The following KRTAP16-1 variants were observed in gnomAD, a reference collection of about 807,000 sequenced individuals.
The protein encoded by KRTAP16-1 is keratin-associated protein 16-1.
For synonymous variants in KRTAP16-1, 262 were observed against 248.0 expected (o/e 1.06, Z -0.53); for missense variants, 675 against 657.7 (o/e 1.03, Z -0.29).
In KRTAP16-1 at chr17:41,308,099, C is replaced by CAAT. The variant is rs2016929364; in HGVS notation, c.1154_1155insATT (p.Arg385_Pro386insLeu). ...GGTAGGAAATCGTAGCACTGCAAGG[C>CAAT]CGTTTGCTGGAACTGGGTATGTAGA... is the stretch of plus-strand genomic sequence containing the variant. On this transcript the variant is annotated inframe_insertion, in exon 1 of 1. Coordinates refer to ENST00000391352, the MANE Select transcript of KRTAP16-1 (RefSeq NM_001146182.2). 1 of 1,550,424 alleles carries CAAT rather than the reference C, an allele frequency of 6.4e-7. No homozygotes were observed. The highest frequency in any genetic ancestry group is 8.7e-7 in the Non-Finnish European group (1 of 1,146,990).
In KRTAP16-1 at chr17:41,308,512, A is replaced by G; in HGVS notation, c.742T>C (p.Cys248Arg). Residue 248 changes from cysteine (C) to arginine (R), a missense_variant, in exon 1 of 1, where the codon TGC becomes CGC. Coordinates refer to ENST00000391352, the MANE Select transcript of KRTAP16-1 (RefSeq NM_001146182.2). ...GGCTCACAAGGGCTGGGGTCACAGCAGACAGCCTGGCAGCTACTGGTCACA... is the reference window on the plus strand; with the variant it reads ...GGCTCACAAGGGCTGGGGTCACAGCGGACAGCCTGGCAGCTACTGGTCACA... The part of the protein sequence containing the change: ...CSVTSSCQAV[C>R]CDPSPCEPSC... The G allele has an allele frequency of 6.4e-7, 1 of 1,550,558 alleles. No homozygotes were observed. The highest frequency in any genetic ancestry group is 8.7e-7 in the Non-Finnish European group (1 of 1,146,860).
Position 41,308,891 on chromosome 17 carries a change from AGGCTCACAGATGGT to A in KRTAP16-1, c.349_362del (p.Thr117PhefsTer14). The A allele has an allele frequency of 1.3e-6, 2 of 1,548,628 alleles. No individual in the cohort carries two copies. The highest frequency in any genetic ancestry group is 2.4e-5 in the South Asian group (2 of 84,034). ...GGCAGCAGTTGCTCACTGAGCAAGA[AGGCTCACAGATGGT>A]GGCCTCGAAGCACACAGGTTGGTAG... On this transcript the variant is annotated frameshift_variant, in exon 1 of 1. Transcript: ENST00000391352. LOFTEE classifies it low-confidence loss of function (END_TRUNC).
chr17:41,307,961 G>T lies in KRTAP16-1; in HGVS notation c.1293C>A (p.Ser431=), dbSNP rs1365407567. 6.4e-7 allele frequency: 1 copy of T among 1,550,646 alleles called. No individual in the cohort carries two copies. The highest frequency in any genetic ancestry group is 1.2e-5 in the South Asian group (1 of 84,066). Residue 431 remains serine, a synonymous_variant, in exon 1 of 1, where the codon TCC becomes TCA. Transcript: ENST00000391352. Reference sequence around the variant, plus strand: ...TGACACAGGCTGGGCGGCGCAGGATGGAGTAGCATGGGCGATAGCAGGCAG... The same window carrying T: ...TGACACAGGCTGGGCGGCGCAGGATTGAGTAGCATGGGCGATAGCAGGCAG... ...YRPACYRPCY[S]ILRRPACVTS...
In KRTAP16-1 at chr17:41,307,851, G is replaced by C. The variant is rs533107247; in HGVS notation, c.1403C>G (p.Ser468Cys). ...SCKRDCKKSTSSQLDCVDTTP... is the reference protein window; with the variant it reads ...SCKRDCKKSTCSQLDCVDTTP... ...TGTGTCAACACAATCCAGTTGGCTG[G>C]AAGTGGATTTTTTGCAATCCCGTTT... The change falls in exon 1 of 1, where the codon TCC becomes TGC. Residue 468 changes from serine (S) to cysteine (C), a missense_variant. Transcript: ENST00000391352. 2.8e-5 allele frequency: 43 copies of C among 1,550,816 alleles called. 1 individual carries two copies. In the Admixed American group the frequency reaches 6.7e-4, roughly 24 times the overall value.
chr17:41,307,706 GT>G lies in KRTAP16-1; in HGVS notation c.1547del (p.Asn516ThrfsTer?). ...AAQPAASKPA[N>X]C ...TTGGGGGGCTGAAGCCAATTTAGCA[GT>G]TGGCAGGCTTGCTGGCAGCAGGCTG... On this transcript the variant is annotated frameshift_variant, in exon 1 of 1. Coordinates refer to ENST00000391352, the MANE Select transcript of KRTAP16-1 (RefSeq NM_001146182.2). LOFTEE classifies it high-confidence loss of function. 2.0e-6 allele frequency: 3 copies of G among 1,518,944 alleles called. No individual in the cohort carries two copies. The highest frequency in any genetic ancestry group is 2.7e-6 in the Non-Finnish European group (3 of 1,131,738). The allele number at this position is 1,518,944 out of a possible 1,614,324, so 94.1% of individuals were successfully genotyped here.
In KRTAP16-1 at chr17:41,308,659, A is replaced by C. The variant is rs931537396; in HGVS notation, c.595T>G (p.Cys199Gly). The C allele has an allele frequency of 3.2e-6, 5 of 1,550,768 alleles. No individual in the cohort carries two copies. The highest frequency in any genetic ancestry group is 2.4e-5 in the East Asian group (1 of 40,938). The change falls in exon 1 of 1, where the codon TGC becomes GGC. Residue 199 changes from cysteine (C) to glycine (G), a missense_variant. Cys to Gly is a radical substitution (Grantham distance 159). Transcript: ENST00000391352. ...CQPVLCKSSC[C>G]QPVVCEPSCC... is the part of the protein sequence containing the mutation. ...CTGGGCTCACAGACAACTGGCTGGC[A>C]GCAGCTGGATTTGCAGAGGACAGGC...
chr17:41,308,628 C>T lies in KRTAP16-1; in HGVS notation c.626G>A (p.Cys209Tyr), dbSNP rs1239735351. 2.6e-6 allele frequency: 4 copies of T among 1,550,796 alleles called. No individual in the cohort carries two copies. The highest frequency in any genetic ancestry group is 3.5e-6 in the Non-Finnish European group (4 of 1,147,102). ...CQPVVCEPSCCSAVCTLPSSC... is the reference protein window; with the variant it reads ...CQPVVCEPSCYSAVCTLPSSC... ...ACTAGGCAGGGTGCAGACAGCTGAACAGCAGCTGGGCTCACAGACAACTGG... is the reference window on the plus strand; with the variant it reads ...ACTAGGCAGGGTGCAGACAGCTGAATAGCAGCTGGGCTCACAGACAACTGG... The change falls in exon 1 of 1, where the codon TGT becomes TAT. Residue 209 changes from cysteine (C) to tyrosine (Y), a missense_variant. Transcript: ENST00000391352.
chr17:41,308,412 G>A lies in KRTAP16-1; in HGVS notation c.842C>T (p.Pro281Leu). 6.4e-7 allele frequency: 1 copy of A among 1,550,672 alleles called. No homozygotes were observed. The highest frequency in any genetic ancestry group is 8.7e-7 in the Non-Finnish European group (1 of 1,146,986). ...ALVCEPVCLRPVCCVQSSCEP... is the reference protein window; with the variant it reads ...ALVCEPVCLRLVCCVQSSCEP... ...GCACGAGCTCTGAACACAGCAGACA[G>A]GGCGGAGGCAAACTGGCTCACAGAC... Residue 281 changes from proline to leucine, a missense_variant, in exon 1 of 1, where the codon CCT (proline) becomes CTT (leucine). By Grantham distance (98) the Pro-to-Leu change is moderately conservative (BLOSUM62 -3). Coordinates refer to ENST00000391352, the MANE Select transcript of KRTAP16-1 (RefSeq NM_001146182.2).
In KRTAP16-1 at chr17:41,308,463, C is replaced by T; in HGVS notation, c.791G>A (p.Cys264Tyr). 6.5e-7 allele frequency: 1 copy of T among 1,550,318 alleles called. No homozygotes were observed. Among genetic ancestry groups the T allele is most frequent in the Non-Finnish European group, 8.7e-7 (1 of 1,146,714 alleles). Reference protein sequence around the residue: ...CEPSCSESSICQPATCVALVC... With the variant: ...CEPSCSESSIYQPATCVALVC... Reference sequence around the variant, plus strand: ...CAGAGCCACACACGTAGCTGGCTGGCAGATGCTAGACTCTGAGCAACTTGG... The same window carrying T: ...CAGAGCCACACACGTAGCTGGCTGGTAGATGCTAGACTCTGAGCAACTTGG... The change falls in exon 1 of 1, where the codon TGC (cysteine) becomes TAC (tyrosine). Residue 264 changes from cysteine (C) to tyrosine (Y), a missense_variant. Transcript: ENST00000391352.
Position 41,307,990 on chromosome 17 carries a change from G to C in KRTAP16-1, c.1264C>G (p.Arg422Gly), listed in dbSNP as rs1361998456. The stretch of plus-strand genomic sequence containing the variant: ...TAGCATGGGCGATAGCAGGCAGGAC[G>C]GTAGGAGATGGATGTCATGTATGGC... ...RQPYMTSISY[R>G]PACYRPCYSI... The change falls in exon 1 of 1, where the codon CGT (arginine) becomes GGT (glycine). Residue 422 changes from arginine (R) to glycine (G), a missense_variant. Transcript: ENST00000391352. The C allele has an allele frequency of 3.2e-6, 5 of 1,550,514 alleles. No homozygotes were observed. In the Admixed American group the frequency reaches 7.8e-5, roughly 24 times the overall value.
rs2016941209 is a variant in KRTAP16-1 at position 41,308,662 on chromosome 17, AG to A, written c.591del (p.Cys198AlafsTer43). On this transcript the variant is annotated frameshift_variant, in exon 1 of 1. Transcript: ENST00000391352. LOFTEE classifies it low-confidence loss of function (END_TRUNC). ...GGCTCACAGACAACTGGCTGGCAGC[AG>A]CTGGATTTGCAGAGGACAGGCTGGC... ...TSCQPVLCKS[S>X]CCQPVVCEPS... The A allele has an allele frequency of 1.3e-6, 2 of 1,550,762 alleles. No individual in the cohort carries two copies. Among genetic ancestry groups the A allele is most frequent in the Non-Finnish European group, 1.7e-6 (2 of 1,147,070 alleles).
In KRTAP16-1 at chr17:41,309,218, G is replaced by T. The variant is rs576379053; in HGVS notation, c.36C>A (p.Ser12=). Residue 12 remains serine, a synonymous_variant, in exon 1 of 1, where the codon TCC becomes TCA. Coordinates refer to ENST00000391352, the MANE Select transcript of KRTAP16-1 (RefSeq NM_001146182.2). ...TGGAGCAGAGAGAGGTGGCTGGCAC[G>T]GAGAAGCATTTCCTAGAAGAGCAAC... The part of the protein sequence containing the change: ...SGSCSSRKCF[S]VPATSLCSTE... 1 of 1,541,976 alleles carries T rather than the reference G, an allele frequency of 6.5e-7. No individual in the cohort carries two copies. Among genetic ancestry groups the T allele is most frequent in the East Asian group, 2.5e-5 (1 of 40,712 alleles).
chr17:41,308,840 A>G lies in KRTAP16-1; in HGVS notation c.414T>C (p.Val138=). The G allele has an allele frequency of 6.5e-7, 1 of 1,544,348 alleles. No individual in the cohort carries two copies. The highest frequency in any genetic ancestry group is 8.7e-7 in the Non-Finnish European group (1 of 1,143,070). Residue 138 remains valine (V), a synonymous_variant, in exon 1 of 1, where the codon GTT becomes GTC. Transcript: ENST00000391352. Reference sequence around the variant, plus strand: ...TGCTCACGGAACAAGAAGGCTCACAAACGGTGGCCTCAAAGCACACAGGTT... The same window carrying G: ...TGCTCACGGAACAAGAAGGCTCACAGACGGTGGCCTCAAAGCACACAGGTT... ...CCQPVCFEAT[V]CEPSCSVSSC...
chr17:41,308,776 C>T lies in KRTAP16-1; in HGVS notation c.478G>A (p.Glu160Lys), dbSNP rs2144206636. ...CAGCTGCTCACGGAGCAAGAAGGCT[C>T]ACAAATAGCAGGCTCACAGCACACA... ...QPVCCEPAICEPSCSVSSCCQ... is the reference protein window; with the variant it reads ...QPVCCEPAICKPSCSVSSCCQ... The change falls in exon 1 of 1, where the codon GAG becomes AAG. Residue 160 changes from glutamate to lysine, a missense_variant. Coordinates refer to ENST00000391352, the MANE Select transcript of KRTAP16-1 (RefSeq NM_001146182.2). 6.4e-7 allele frequency: 1 copy of T among 1,550,600 alleles called. No individual in the cohort carries two copies. Among genetic ancestry groups the T allele is most frequent in the South Asian group, 1.2e-5 (1 of 84,058 alleles).
Position 41,309,198 on chromosome 17 carries a change from CAG to C in KRTAP16-1, c.54_55del (p.Cys19LeufsTer3). ...GCCTCCACAGCTCACCTCAGTGGAG[CAG>C]AGAGAGGTGGCTGGCACGGAGAAGC... On this transcript the variant is annotated frameshift_variant, in exon 1 of 1. Transcript: ENST00000391352. LOFTEE classifies it low-confidence loss of function (END_TRUNC). 6.5e-7 allele frequency: 1 copy of C among 1,547,508 alleles called. No homozygotes were observed. The highest frequency in any genetic ancestry group is 8.7e-7 in the Non-Finnish European group (1 of 1,145,150).
chr17:41,308,188 G>C lies in KRTAP16-1; in HGVS notation c.1066C>G (p.Pro356Ala), dbSNP rs1359699251. 1.3e-6 allele frequency: 2 copies of C among 1,550,544 alleles called. No individual in the cohort carries two copies. The highest frequency in any genetic ancestry group is 1.7e-6 in the Non-Finnish European group (2 of 1,147,010). ...GAAGACCCTGGACTGCAGGAAAGAGGTCGGCAGGAGGTAGATGGGCAGGAA... is the reference window on the plus strand; with the variant it reads ...GAAGACCCTGGACTGCAGGAAAGAGCTCGGCAGGAGGTAGATGGGCAGGAA... ...PVSCPSTSCRPLSCSPGSSAS... is the reference protein window; with the variant it reads ...PVSCPSTSCRALSCSPGSSAS... Residue 356 changes from proline to alanine, a missense_variant, in exon 1 of 1, where the codon CCT (proline) becomes GCT (alanine). Pro to Ala is a conservative substitution (Grantham distance 27). Transcript: ENST00000391352.
In KRTAP16-1 at chr17:41,307,947, G is replaced by T. The variant is rs761709081; in HGVS notation, c.1307C>A (p.Pro436Gln). 6 of 1,550,554 alleles carry T rather than the reference G, an allele frequency of 3.9e-6. No homozygotes were observed. The highest frequency in any genetic ancestry group is 5.2e-6 in the Non-Finnish European group (6 of 1,147,014). The change falls in exon 1 of 1, where the codon CCA (proline) becomes CAA (glutamine). Residue 436 changes from proline (P) to glutamine (Q), a missense_variant. Physicochemically the swap from Pro to Gln is moderately conservative, Grantham distance 76. Transcript: ENST00000391352. Reference sequence around the variant, plus strand: ...GCAAGAGTAGGAAGTGACACAGGCTGGGCGGCGCAGGATGGAGTAGCATGG... The same window carrying T: ...GCAAGAGTAGGAAGTGACACAGGCTTGGCGGCGCAGGATGGAGTAGCATGG... ...YRPCYSILRR[P>Q]ACVTSYSCRP... is the part of the protein sequence containing the mutation.
chr17:41,309,282 G>A lies in KRTAP16-1; in HGVS notation c.-29C>T. The stretch of plus-strand genomic sequence containing the variant: ...GGAGGTGGCCGTGCTTCCTTGTGCT[G>A]AGTGCTGAGAGGTTGCTGCCTCACT... On this transcript the variant is annotated 5_prime_UTR_variant, in exon 1 of 1. Transcript: ENST00000391352. 1 of 1,457,874 alleles carries A rather than the reference G, an allele frequency of 6.9e-7. No individual in the cohort carries two copies. Among genetic ancestry groups the A allele is most frequent in the Non-Finnish European group, 9.2e-7 (1 of 1,087,244 alleles). The allele number at this position is 1,457,874 out of a possible 1,614,324, so 90.3% of individuals were successfully genotyped here.
Position 41,307,969 on chromosome 17 carries a change from A to G in KRTAP16-1, c.1285T>C (p.Cys429Arg). Residue 429 changes from cysteine (C) to arginine (R), a missense_variant, in exon 1 of 1, where the codon TGC becomes CGC. Coordinates refer to ENST00000391352, the MANE Select transcript of KRTAP16-1 (RefSeq NM_001146182.2). ...GCTGGGCGGCGCAGGATGGAGTAGCATGGGCGATAGCAGGCAGGACGGTAG... is the reference window on the plus strand; with the variant it reads ...GCTGGGCGGCGCAGGATGGAGTAGCGTGGGCGATAGCAGGCAGGACGGTAG... ...ISYRPACYRP[C>R]YSILRRPACV... 1.3e-6 allele frequency: 2 copies of G among 1,550,652 alleles called. No homozygotes were observed. Among genetic ancestry groups the G allele is most frequent in the Non-Finnish European group, 1.7e-6 (2 of 1,147,012 alleles).
Sources: gnomAD v4.1 joint callset for allele counts on GRCh38, gnomAD v4.1.1 for gene constraint, MANE v1.5 for transcripts, NCBI Gene and HGNC (gene_info 2026-07-23, HGNC 2026-07-21) for gene names.